Variants in TRIP10 observed in about 807,000 individuals in gnomAD.
TRIP10 encodes thyroid hormone receptor interactor 10, also known as cdc42-interacting protein 4.
TRIP10 carries 54 observed loss-of-function variants against 80.9 expected under a neutral mutation model. The observed-to-expected ratio is 0.67, with a 90% CI of 0.54 to 0.84. The LOEUF (loss-of-function observed/expected upper bound fraction) is 0.84. Ranked by LOEUF, TRIP10 falls within the 40% of genes least tolerant of loss-of-function variation. The pLI, the probability that TRIP10 is intolerant of heterozygous loss-of-function variation, is 0.00. For synonymous variants in TRIP10, 321 were observed against 307.2 expected (o/e 1.04, Z -0.47); for missense variants, 773 against 815.3 (o/e 0.95, Z 0.63).
intron 1 of TRIP10, chr19:6,740,655 C>T (rs1019279590): frequency 7.9e-6 from 2 of 252,150 alleles, no homozygotes; most frequent in Non-Finnish European, 1.6e-5. Context: ...CTGGCCTTGA[C>T]TCACGCCGGG....
At chr19:6,743,895 C>T in intron 7 of TRIP10, 59 bp downstream of exon 7, 19 of 1,591,546 alleles carry the variant, frequency 1.2e-5, no homozygotes, top group Non-Finnish European at 1.6e-5. Flanking sequence ...TTAGCCAACT[C>T]CTACGCATTC....
intron 14 of TRIP10, 117 bp downstream of exon 14, chr19:6,750,750 C>A (rs1969269852): frequency 6.9e-7 from 1 of 1,439,936 alleles, no homozygotes; most frequent in East Asian, 2.3e-5. Context: ...AATCCCAGCA[C>A]TTTGGGAAGC....
intron 1 of TRIP10, 37 bp from the exon 2 acceptor site, chr19:6,740,973 C>A: frequency 6.3e-7 from 1 of 1,579,718 alleles, no homozygotes; most frequent in Non-Finnish European, 8.7e-7. Context: ...GTGACCCCGG[C>A]CCCTCTCCCC....
intron 11 of TRIP10, among the ~76,000 whole-genome samples, chr19:6,749,124 T>G (rs1969211683): frequency 6.6e-6 from 1 of 152,150 alleles, no homozygotes; most frequent in African/African-American, 2.4e-5. Flanking sequence ...GATTTTTTAC[T>G]AGAGACAAAG....
rs201306596 is a variant in TRIP10, at chr19:6,741,295, G to A, written c.197+14G>A. On this transcript the variant is annotated intron_variant, in intron 3 of 14. Coordinates refer to ENST00000313244, the MANE Select transcript of TRIP10 (RefSeq NM_001288962.2). ...TCCTGAGTCCAAGTAAGGTTGGAGA[G>A]GGGCTGCAGGGCTAGATTTGTGGGG... is the stretch of plus-strand genomic sequence containing the variant. 593 of 1,601,762 alleles carry A rather than the reference G, an allele frequency of 3.7e-4. No homozygotes were observed. Among genetic ancestry groups the A allele is most frequent in the Non-Finnish European group, 4.1e-4 (480 of 1,173,896 alleles).
chr19:6,742,226 C>T (rs1599558093), intron 3 of TRIP10, among the ~76,000 whole-genome samples: 3 of 151,606 alleles, frequency 2.0e-5, no homozygotes, highest in East Asian at 2.0e-4. Context: ...CTTGTCTCTT[C>T]TAAAAATACA....
At position 6,743,123 on chromosome 19, in the gene TRIP10, C is replaced by A. The variant is rs780288879; in HGVS notation, c.345+9C>A. 1 of 1,614,022 alleles carries A rather than the reference C, an allele frequency of 6.2e-7. No individual in the cohort carries two copies. Among genetic ancestry groups the A allele is most frequent in the Non-Finnish European group, 8.5e-7 (1 of 1,179,932 alleles). On this transcript the variant is annotated intron_variant, in intron 4 of 14. Coordinates refer to ENST00000313244, the MANE Select transcript of TRIP10 (RefSeq NM_001288962.2). ...AACAGGAGAGGAAGATGGTGAGGAG[C>A]CCCCCGATTCAGGTTTTACAAAGGG... is the stretch of plus-strand genomic sequence containing the variant.
intron 3 of TRIP10, 49 bp from the exon 4 acceptor site, chr19:6,742,918 C>A: frequency 6.2e-7 from 1 of 1,602,280 alleles, no homozygotes; most frequent in South Asian, 1.1e-5. Flanking sequence ...TCAGCCTGCT[C>A]GGGAGGAGGG....
intron 14 of TRIP10, 161 bp from the exon 15 acceptor site, chr19:6,750,901 CA>C: frequency 8.2e-7 from 1 of 1,218,108 alleles, no homozygotes; most frequent in South Asian, 1.8e-5. Context: ...GAGGCTGAGG[CA>C]GGAGAATCCC....
In TRIP10 at chr19:6,741,227, G is replaced by A. The variant is rs1968910167; in HGVS notation, c.143G>A (p.Ser48Asn). 3 of 1,612,318 alleles carry A rather than the reference G, an allele frequency of 1.9e-6. No individual in the cohort carries two copies. In the Admixed American group the frequency reaches 5.0e-5, roughly 27 times the overall value. Residue 48 changes from serine (S) to asparagine (N), a missense_variant and splice_region_variant, in exon 3 of 15, where the codon AGC becomes AAC. Transcript: ENST00000313244. The part of the protein sequence containing the change: ...VEQAYAKQLR[S>N]LVKKYLPKRP... ...CTCCTACCTCTGTCTCCCCTTAGGA[G>A]CCTGGTGAAAAAATATCTGCCCAAG...
intron 11 of TRIP10, 73 bp from the exon 12 acceptor site, chr19:6,749,861 A>G (rs1396502057): frequency 4.5e-6 from 7 of 1,565,934 alleles, no homozygotes; most frequent in Non-Finnish European, 5.2e-6. Flanking sequence ...GACTCAAACA[A>G]AACAAAACAA....
chr19:6,751,315 A>T lies in TRIP10; in HGVS notation c.*104A>T, dbSNP rs558801777. 2.5e-6 allele frequency: 4 copies of T among 1,577,816 alleles called. No homozygotes were observed. The highest frequency in any genetic ancestry group is 3.5e-6 in the Non-Finnish European group (4 of 1,159,002). ...ATTTCTGACCCCGTGGCTTCGGCTG[A>T]GACCTGTGTAACCTGCTGCCCCCTC... On this transcript the variant is annotated 3_prime_UTR_variant, in exon 15 of 15. Transcript: ENST00000313244.
chr19:6,751,424 T>G lies in TRIP10; in HGVS notation c.*213T>G. 8.5e-7 allele frequency: 1 copy of G among 1,176,970 alleles called. No homozygotes were observed. Among genetic ancestry groups the G allele is most frequent in the Non-Finnish European group, 1.1e-6 (1 of 910,408 alleles). 72.9% of individuals were successfully genotyped at this position (1,176,970 alleles called of 1,614,324 possible). A position where few individuals can be genotyped will look rare whatever the true frequency, so the allele number is the denominator to read the frequency against. The stretch of plus-strand genomic sequence containing the variant: ...GTTCCACCATTGATGTACATACTCA[T>G]GTTTTACATCTTTTCTTTCTGCCGC... On this transcript the variant is annotated 3_prime_UTR_variant, in exon 15 of 15. Transcript: ENST00000313244.
In TRIP10 at chr19:6,744,947, C is replaced by T. The variant is rs1969061931; in HGVS notation, c.937C>T (p.Pro313Ser). 1.2e-6 allele frequency: 2 copies of T among 1,613,938 alleles called. No homozygotes were observed. Among genetic ancestry groups the T allele is most frequent in the East Asian group, 2.2e-5 (1 of 44,894 alleles). The change falls in exon 9 of 15, where the codon CCG (proline) becomes TCG (serine). Residue 313 changes from proline to serine, a missense_variant. Coordinates refer to ENST00000313244, the MANE Select transcript of TRIP10 (RefSeq NM_001288962.2). The surrounding 1 kb of genome is among the most constrained non-coding windows in gnomAD (Gnocchi z 4.9). ...GGATGGACGGCCTGAACTCCGAGGC[C>T]CGGGTCGCAGCCGCACCAAGCGCTG... ...PSDGRPELRG[P>S]GRSRTKRWPF...
chr19:6,746,004 C>CCCCCA lies in TRIP10; in HGVS notation c.985-21_985-20insACCCC. On this transcript the variant is annotated intron_variant, in intron 9 of 14. Coordinates refer to ENST00000313244, the MANE Select transcript of TRIP10 (RefSeq NM_001288962.2). The surrounding 1 kb of genome is among the most constrained non-coding windows in gnomAD (Gnocchi z 6.2). ...ATGCCCCCCCACCCCTTCAACCTAT[C>CCCCCA]CCCCTCCCCGGCCCCCGCCGGTAGC... 1 of 581,784 alleles carries CCCCCA rather than the reference C, an allele frequency of 1.7e-6. No individual in the cohort carries two copies. Among genetic ancestry groups the CCCCCA allele is most frequent in the Non-Finnish European group, 2.2e-6 (1 of 450,268 alleles). 36.0% of individuals were successfully genotyped at this position (581,784 alleles called of 1,614,324 possible).
rs1969004230 is a variant in TRIP10 at position 6,743,701 on chromosome 19, T to C, written c.514-7T>C. ...CTGGCAGTACCTTCCACCTCTGCAT[T>C]CTTCAGGCCAAGCAGCAAGCCCACC... On this transcript the variant is annotated splice_polypyrimidine_tract_variant and splice_region_variant and intron_variant, in intron 6 of 14. Transcript: ENST00000313244. 1.2e-6 allele frequency: 2 copies of C among 1,613,812 alleles called. No individual in the cohort carries two copies. Among genetic ancestry groups the C allele is most frequent in the Non-Finnish European group, 8.5e-7 (1 of 1,179,890 alleles).
In TRIP10 at chr19:6,743,058, C is replaced by A. The variant is rs377574912; in HGVS notation, c.289C>A (p.Arg97Ser). The A allele has an allele frequency of 9.3e-6, 15 of 1,614,110 alleles. No homozygotes were observed. The highest frequency in any genetic ancestry group is 1.3e-5 in the Non-Finnish European group (15 of 1,180,020). The change falls in exon 4 of 15, where the codon CGT becomes AGT. Residue 97 changes from arginine to serine, a missense_variant. Coordinates refer to ENST00000313244, the MANE Select transcript of TRIP10 (RefSeq NM_001288962.2). ...GCTGGTGGCTGAGAACCTCAGTGTC[C>A]GTGTATGTCTTGAGCTGACCAAGTA... ...RELVAENLSV[R>S]VCLELTKYSQ...
chr19:6,750,950 C>T lies in TRIP10; in HGVS notation c.1658-113C>T, dbSNP rs542185741. The stretch of plus-strand genomic sequence containing the variant: ...GCAGAGGTTGCAGGGAGCCAAGATC[C>T]GTGCCACTGCACTCCAGCCTGGGCG... On this transcript the variant is annotated intron_variant, in intron 14 of 14. Coordinates refer to ENST00000313244, the MANE Select transcript of TRIP10 (RefSeq NM_001288962.2). 177 of 1,386,362 alleles carry T rather than the reference C, an allele frequency of 1.3e-4. 3 individuals are homozygous for T. Among genetic ancestry groups the T allele is most frequent in the Admixed American group, 5.3e-4 (17 of 31,920 alleles). 85.9% of individuals were successfully genotyped at this position (1,386,362 alleles called of 1,614,324 possible).
chr19:6,742,779 CAAAA>C (rs151261595), intron 3 of TRIP10, among the ~76,000 whole-genome samples, 184 bp from the exon 4 acceptor site: 38 of 121,668 alleles, frequency 3.1e-4, no homozygotes, highest in South Asian at 5.2e-4. Context: ...GACCCTGTCT[CAAAA>C]AAAAAAAAAA....
Sources: gnomAD v4.1 joint callset for allele counts (sites outside exome capture counted in the v4.1 genomes callset) on GRCh38, gnomAD v4.1.1 for gene constraint, Gnocchi (gnomAD v3.1) non-coding constraint, MANE v1.5 for transcripts, NCBI Gene and HGNC (gene_info 2026-07-23, HGNC 2026-07-21) for gene names.